CHST11: variants seen among roughly 807,000 people sequenced by gnomAD.
CHST11 encodes carbohydrate sulfotransferase 11.
Under a neutral mutation model 30.4 loss-of-function variants are expected in CHST11, and 9 were observed. The ratio of observed to expected loss-of-function variants is 0.30; its 90% confidence interval spans 0.18 to 0.52. The LOEUF is 0.52. CHST11 is among the 20% of genes least tolerant of loss of function. CHST11 has a pLI of 0.97. For missense variants in CHST11, 348 were observed against 460.6 expected, an observed-to-expected ratio of 0.76 and a Z score of 2.24; for synonymous variants, 152 against 187.8, an observed-to-expected ratio of 0.81 and a Z score of 1.56.
At chr12:104,664,801 C>A (rs76327120) in intron 2 of CHST11, among the ~76,000 whole-genome samples, 1 of 152,192 alleles carries the variant, frequency 6.6e-6, no homozygotes. Flanking sequence ...TTACACGAGC[C>A]GGTTATGAAA....
At chr12:104,742,402 C>G (rs2040354512) in intron 2 of CHST11, among the ~76,000 whole-genome samples, 1 of 152,102 alleles carries the variant, frequency 6.6e-6, no homozygotes, top group Non-Finnish European at 1.5e-5. Flanking sequence ...CCACCCGGGA[C>G]TGCTCAGTGG....
intron 2 of CHST11, among the ~76,000 whole-genome samples, chr12:104,652,851 G>A (rs555134818): frequency 1.9e-4 from 29 of 152,168 alleles, no homozygotes; most frequent in Middle Eastern, 6.8e-3. Context: ...CCTGGCCAGC[G>A]AAGAGGGAGG....
intron 1 of CHST11, among the ~76,000 whole-genome samples, chr12:104,527,250 C>CGTG (rs2038135640): frequency 6.6e-6 from 1 of 152,190 alleles, no homozygotes; most frequent in African/African-American, 2.4e-5. Flanking sequence ...TTCCAGCCTC[C>CGTG]AGAACTGTGA....
intron 2 of CHST11, among the ~76,000 whole-genome samples, chr12:104,693,538 A>G (rs2039917991): frequency 6.6e-6 from 1 of 152,258 alleles, no homozygotes; most frequent in East Asian, 1.9e-4. Context: ...ACTCTGACAG[A>G]ATGGTGCCTG....
intron 2 of CHST11, among the ~76,000 whole-genome samples, chr12:104,668,915 T>C (rs911986460): frequency 6.6e-6 from 1 of 152,210 alleles, no homozygotes; most frequent in African/African-American, 2.4e-5. Flanking sequence ...ACATTAACCC[T>C]GACATTTCTT....
intron 1 of CHST11, among the ~76,000 whole-genome samples, chr12:104,500,378 GA>G (rs35499362): frequency 0.041 from 6,281 of 152,218 alleles, 193 homozygotes; most frequent in Admixed American, 0.094. Context: ...GTGGCACAGA[GA>G]ATTTTAAATG....
rs113276159 is a variant in CHST11, at chr12:104,533,294, G to A, written c.119-68612G>A. ...AGGGAGCCCTGGGTTGGAAAGAATA[G>A]GAAGAAGTGTAATGAACTCGTAAAC... On this transcript the variant is annotated intron_variant, in intron 1 of 2. Transcript: ENST00000303694. 3.8e-3 allele frequency among the ~76,000 whole-genome samples: 581 copies of A among 152,326 alleles called. 1 individual carries two copies. The highest frequency in any genetic ancestry group is 4.9e-3 in the Non-Finnish European group (333 of 68,030).
In CHST11 at chr12:104,709,667, C is replaced by T. The variant is rs148552496; in HGVS notation, c.205-47282C>T. On this transcript the variant is annotated intron_variant, in intron 2 of 2. Transcript: ENST00000303694. ...GCGGTTCTTTCATTAAGAAGCCCGT[C>T]GCAGGGCACCCTGCGGTCCATTTCT... Among the ~76,000 whole-genome samples the T allele has an allele frequency of 8.0e-3, 1,214 of 152,206 alleles. 10 individuals carry two copies. Among genetic ancestry groups the T allele is most frequent in the African/African-American group, 0.019 (784 of 41,522 alleles).
chr12:104,746,793 C>T (rs566241532), intron 2 of CHST11, among the ~76,000 whole-genome samples: 21 of 152,286 alleles, frequency 1.4e-4, no homozygotes, highest in African/African-American at 4.3e-4. Flanking sequence ...TCTTTAAAGG[C>T]CCAATATTTT....
intron 2 of CHST11, among the ~76,000 whole-genome samples, chr12:104,735,666 C>T (rs551177994): frequency 1.3e-5 from 2 of 152,292 alleles, no homozygotes; most frequent in South Asian, 2.1e-4. Flanking sequence ...TGCAAGAAAG[C>T]GCAGTACTTC....
Position 104,463,784 on chromosome 12 carries a change from G to A in CHST11, c.118+6255G>A, listed in dbSNP as rs892242018. ...GACACCTGCAGGAAATGAAGGAGCC[G>A]GCCATGTTCCAGGCAGAGAGCAACA... On this transcript the variant is annotated intron_variant, in intron 1 of 2. Transcript: ENST00000303694. Among the ~76,000 whole-genome samples, 4 of 152,150 alleles carry A rather than the reference G, an allele frequency of 2.6e-5. No homozygotes were observed. In the East Asian group the frequency reaches 7.7e-4, roughly 29 times the overall value.
At chr12:104,648,198 G>T (rs1336857160) in intron 2 of CHST11, among the ~76,000 whole-genome samples, 1 of 152,170 alleles carries the variant, frequency 6.6e-6, no homozygotes, top group Non-Finnish European at 1.5e-5. Context: ...GTCCCCTCTT[G>T]TTGGGTATCT....
At chr12:104,663,086 A>T (rs968678886) in intron 2 of CHST11, among the ~76,000 whole-genome samples, 2 of 152,202 alleles carry the variant, frequency 1.3e-5, no homozygotes, top group African/African-American at 4.8e-5. Flanking sequence ...GCCCCGAGGG[A>T]TTGGGCCAAA....
intron 1 of CHST11, among the ~76,000 whole-genome samples, chr12:104,561,555 G>A (rs1355241128): frequency 2.0e-5 from 3 of 152,190 alleles, no homozygotes; most frequent in Non-Finnish European, 1.5e-5. Flanking sequence ...CTCTGCCACA[G>A]CAAAATAAAA....
intron 2 of CHST11, among the ~76,000 whole-genome samples, chr12:104,720,158 A>G (rs2040162507): frequency 3.3e-5 from 5 of 152,232 alleles, no homozygotes; most frequent in Admixed American, 3.3e-4. Flanking sequence ...TCCTCCTGAA[A>G]CACTGCCCTG....
chr12:104,725,478 AT>A (rs2040209696), intron 2 of CHST11, among the ~76,000 whole-genome samples: 1 of 151,596 alleles, frequency 6.6e-6, no homozygotes, highest in Admixed American at 6.6e-5. Context: ...TTCCTTTCAA[AT>A]TCAAAAGTGT....
chr12:104,654,578 C>T (rs2039524850), intron 2 of CHST11, among the ~76,000 whole-genome samples: 1 of 152,096 alleles, frequency 6.6e-6, no homozygotes, highest in African/African-American at 2.4e-5. Context: ...AGGAGGAGTC[C>T]ACCTGGCAGG....
intron 1 of CHST11, among the ~76,000 whole-genome samples, chr12:104,566,468 G>A (rs992939158): frequency 6.6e-6 from 1 of 152,110 alleles, no homozygotes; most frequent in Non-Finnish European, 1.5e-5. Flanking sequence ...GAACAAAAAC[G>A]CTTGGTTTCT....
At chr12:104,633,578 C>T (rs1441823486) in intron 2 of CHST11, among the ~76,000 whole-genome samples, 1 of 151,766 alleles carries the variant, frequency 6.6e-6, no homozygotes, top group Non-Finnish European at 1.5e-5. Context: ...CCACACTCGG[C>T]TCATTTTTTT....
Sources: gnomAD v4.1 joint callset for allele counts (sites outside exome capture counted in the v4.1 genomes callset) on GRCh38, gnomAD v4.1.1 for gene constraint, MANE v1.5 for transcripts, NCBI Gene and HGNC (gene_info 2026-07-23, HGNC 2026-07-21) for gene names.